DYSF: variants seen among roughly 807,000 people sequenced by gnomAD.
DYSF encodes the protein dysferlin, also known as dystrophy-associated fer-1-like 1.
In DYSF, 212 loss-of-function variants were observed where a neutral mutation model predicts 274.9. The observed-to-expected ratio is 0.77, with a 90% CI of 0.69 to 0.86. The LOEUF is 0.86. Ranked by LOEUF, DYSF falls within the 40% of genes least tolerant of loss-of-function variation. The pLI, the probability that DYSF is intolerant of heterozygous loss-of-function variation, is 0.00. For synonymous variants in DYSF, 1,091 were observed against 1,078.7 expected (o/e 1.01, Z -0.22); for missense variants, 2,666 against 2,783.2 (o/e 0.96, Z 0.95).
At position 71,482,253 on chromosome 2, in the gene DYSF, G is replaced by C. The variant is rs774685374; in HGVS notation, c.239+283G>C. Reference sequence around the variant, plus strand: ...AGACAGTGTGTGCCCCAGGGAGCAGGAAGACTCGCTTCCTGCTGCTCCAGC... The same window carrying C: ...AGACAGTGTGTGCCCCAGGGAGCAGCAAGACTCGCTTCCTGCTGCTCCAGC... On this transcript the variant is annotated intron_variant, in intron 3 of 55. Transcript: ENST00000410020. Among the ~76,000 whole-genome samples, 9 of 152,298 alleles carry C rather than the reference G, an allele frequency of 5.9e-5. No individual in the cohort carries two copies. In the South Asian group the frequency reaches 6.2e-4, roughly 11 times the overall value.
intron 30 of DYSF, among the ~76,000 whole-genome samples, chr2:71,584,282 G>A (rs1466581502): frequency 1.3e-5 from 2 of 152,130 alleles, no homozygotes; most frequent in Non-Finnish European, 2.9e-5. Context: ...CAGAGGCAAA[G>A]CGGCCCTCCC....
chr2:71,601,573 C>T (rs1228081437), intron 35 of DYSF, 45 bp downstream of exon 35: 1 of 1,613,132 alleles, frequency 6.2e-7, no homozygotes, highest in Non-Finnish European at 8.5e-7. Flanking sequence ...GATTGCCAGT[C>T]TCCCTGTGTT....
intron 3 of DYSF, among the ~76,000 whole-genome samples, chr2:71,498,359 T>C (rs1037009816): frequency 1.3e-5 from 2 of 152,144 alleles, no homozygotes; most frequent in Admixed American, 1.3e-4. Context: ...GAGTGCTGAT[T>C]TGTTGGGTCA....
intron 12 of DYSF, among the ~76,000 whole-genome samples, chr2:71,524,864 G>A (rs901351436): frequency 3.3e-5 from 5 of 152,186 alleles, no homozygotes; most frequent in South Asian, 2.1e-4. Flanking sequence ...CTCCAAGCAC[G>A]TGGGTTCTGC....
intron 22 of DYSF, among the ~76,000 whole-genome samples, chr2:71,560,582 C>A (rs1237845253): frequency 6.6e-6 from 1 of 152,096 alleles, no homozygotes; most frequent in African/African-American, 2.4e-5. Context: ...ATGGAGTTTG[C>A]GTACTGCTCC....
intron 9 of DYSF, 33 bp from the exon 10 acceptor site, chr2:71,516,956 G>T: frequency 6.2e-7 from 1 of 1,612,218 alleles, no homozygotes; most frequent in Non-Finnish European, 8.5e-7. Context: ...CATGTTCCCT[G>T]TGAATGTGAG....
intron 36 of DYSF, 27 bp downstream of exon 36, chr2:71,602,832 G>T: frequency 1.2e-6 from 2 of 1,611,728 alleles, no homozygotes; most frequent in Non-Finnish European, 8.5e-7. Context: ...GGTTGGGATG[G>T]GTGGGCCGAG....
chr2:71,494,918 G>A (rs1051638779), intron 3 of DYSF, among the ~76,000 whole-genome samples: 1 of 152,210 alleles, frequency 6.6e-6, no homozygotes, highest in African/African-American at 2.4e-5. Flanking sequence ...TGATCAAAAA[G>A]AAATCTAACC....
intron 1 of DYSF, among the ~76,000 whole-genome samples, chr2:71,456,068 C>T (rs1283547620): frequency 6.6e-6 from 1 of 152,102 alleles, no homozygotes; most frequent in Non-Finnish European, 1.5e-5. Flanking sequence ...AGCAGCTCCC[C>T]CCATCCTGCA....
chr2:71,665,762 C>A (rs2094989324), intron 47 of DYSF, among the ~76,000 whole-genome samples: 1 of 152,220 alleles, frequency 6.6e-6, no homozygotes, highest in Non-Finnish European at 1.5e-5. Flanking sequence ...ACTGACAGCC[C>A]ATGCATCTAA....
chr2:71,659,047 A>G lies in DYSF; in HGVS notation c.4911+14A>G, dbSNP rs775880557. Reference sequence around the variant, plus strand: ...CCCAATGGAAAGGTAACTTTCCTAGAGCCCTCACCTCCCCCAGAGTAGCAG... The same window carrying G: ...CCCAATGGAAAGGTAACTTTCCTAGGGCCCTCACCTCCCCCAGAGTAGCAG... On this transcript the variant is annotated intron_variant, in intron 44 of 55. Transcript: ENST00000410020. 2 of 1,614,114 alleles carry G rather than the reference A, an allele frequency of 1.2e-6. No homozygotes were observed. Among genetic ancestry groups the G allele is most frequent in the South Asian group, 2.2e-5 (2 of 91,084 alleles).
chr2:71,485,959 G>A (rs562979110), intron 3 of DYSF, among the ~76,000 whole-genome samples: 8 of 152,064 alleles, frequency 5.3e-5, no homozygotes, highest in South Asian at 2.1e-4. Flanking sequence ...GATTACAAGC[G>A]TGAGCCACCG....
chr2:71,643,325 T>C (rs1326129411), intron 41 of DYSF, among the ~76,000 whole-genome samples: 1 of 152,226 alleles, frequency 6.6e-6, no homozygotes, highest in Non-Finnish European at 1.5e-5. Flanking sequence ...AAATTTGTGC[T>C]GTCACATACT....
chr2:71,619,132 C>T (rs928263759), intron 40 of DYSF, among the ~76,000 whole-genome samples: 1 of 152,070 alleles, frequency 6.6e-6, no homozygotes, highest in Admixed American at 6.5e-5. Flanking sequence ...TCCCTCTCAC[C>T]TTTCTAAAAA....
chr2:71,545,534 C>T (rs1405966637), intron 17 of DYSF, among the ~76,000 whole-genome samples: 2 of 152,144 alleles, frequency 1.3e-5, no homozygotes, highest in African/African-American at 4.8e-5. Flanking sequence ...GTCTCCTGCA[C>T]AGGTAGAGAG....
At chr2:71,629,112 A>G (rs1025305269) in intron 41 of DYSF, among the ~76,000 whole-genome samples, 4 of 151,996 alleles carry the variant, frequency 2.6e-5, no homozygotes, top group African/African-American at 7.2e-5. Context: ...GACCTCTTCT[A>G]TTCTTCATGT....
intron 22 of DYSF, among the ~76,000 whole-genome samples, chr2:71,559,511 C>T (rs1158389095): frequency 1.3e-5 from 2 of 152,214 alleles, no homozygotes; most frequent in Non-Finnish European, 2.9e-5. Context: ...CTGCTCTCAT[C>T]CTGGTGGACA....
intron 3 of DYSF, among the ~76,000 whole-genome samples, chr2:71,484,212 C>T (rs184367630): frequency 2.6e-5 from 4 of 152,068 alleles, no homozygotes; most frequent in South Asian, 2.1e-4. Context: ...ACCACCACAC[C>T]TGGCTAATTT....
At chr2:71,501,588 C>A (rs1385735999) in intron 3 of DYSF, among the ~76,000 whole-genome samples, 2 of 152,142 alleles carry the variant, frequency 1.3e-5, no homozygotes, top group African/African-American at 2.4e-5. Context: ...ACTTCCTCCT[C>A]CCCCCAGCTT....
Sources: allele counts gnomAD v4.1 joint callset (sites outside exome capture counted in the v4.1 genomes callset), GRCh38; gene constraint gnomAD v4.1.1; transcripts MANE v1.5; gene names NCBI Gene and HGNC (gene_info 2026-07-23, HGNC 2026-07-21).